TUB: variants seen among roughly 807,000 people sequenced by gnomAD.
The protein encoded by TUB is TUB bipartite transcription factor.
Under a neutral mutation model 59.7 loss-of-function variants are expected in TUB, and 33 were observed. The observed-to-expected ratio is 0.55, with a 90% CI of 0.42 to 0.74. TUB has a LOEUF of 0.74. Among genes scored for constraint, TUB ranks in the 30% least tolerant of loss-of-function variants. The probability of loss-of-function intolerance (pLI) is 0.00; values close to 1 mark genes in which losing one functional copy is unlikely to be tolerated. For missense variants in TUB, 659 were observed against 672.0 expected (o/e 0.98, Z 0.21); for synonymous variants, 293 against 256.4 (o/e 1.14, Z -1.36).
At chr11:8,041,397 T>C (rs751124889) in intron 2 of TUB, among the ~76,000 whole-genome samples, 1 of 152,146 alleles carries the variant, frequency 6.6e-6, no homozygotes, top group Admixed American at 6.5e-5. Context: ...GGCTGACTTA[T>C]AGGGCTGACT....
intron 1 of TUB, among the ~76,000 whole-genome samples, chr11:8,025,202 A>C (rs1942484535): frequency 6.6e-6 from 1 of 152,186 alleles, no homozygotes; most frequent in Admixed American, 6.5e-5. Flanking sequence ...TAAAGTGCAA[A>C]GCAGAAAAAG....
intron 6 of TUB, 75 bp from the exon 7 acceptor site, chr11:8,097,153 G>T: frequency 6.5e-7 from 1 of 1,547,938 alleles, no homozygotes; most frequent in Non-Finnish European, 8.9e-7. Context: ...TTAGGAGGCA[G>T]ATTTGGATCC....
Position 8,100,533 on chromosome 11 carries a change from C to T in TUB, c.1147C>T (p.Arg383Trp), listed in dbSNP as rs779602724. Reference protein sequence around the residue: ...ETNVLGFKGPRKMSVIVPGMN... With the variant: ...ETNVLGFKGPWKMSVIVPGMN... ...AAACGTCTTAGGCTTCAAGGGGCCTCGGAAGATGAGCGTGATTGTCCCAGG... is the reference window on the plus strand; with the variant it reads ...AAACGTCTTAGGCTTCAAGGGGCCTTGGAAGATGAGCGTGATTGTCCCAGG... The change falls in exon 10 of 12, where the codon CGG becomes TGG. Residue 383 changes from arginine (R) to tryptophan (W), a missense_variant. Arg to Trp is a moderately radical substitution (Grantham distance 101). Around this residue, in one of 3 missense-constraint regions of TUB, gnomAD observed 226 missense variants for 210.8 expected, o/e 1.07. Transcript: ENST00000299506. 2.7e-5 allele frequency: 44 copies of T among 1,613,972 alleles called. No homozygotes were observed. Among genetic ancestry groups the T allele is most frequent in the Non-Finnish European group, 3.1e-5 (36 of 1,180,016 alleles).
rs1212731529 is a variant in TUB, at chr11:8,090,249, C to T, written c.253+18C>T. 1.9e-6 allele frequency: 3 copies of T among 1,611,222 alleles called. No individual in the cohort carries two copies. The highest frequency in any genetic ancestry group is 2.5e-6 in the Non-Finnish European group (3 of 1,178,752). On this transcript the variant is annotated intron_variant, in intron 3 of 11. Coordinates refer to ENST00000299506, the MANE Select transcript of TUB (RefSeq NM_177972.3). ...CTACCAAGGTATACCTTGCCTGCTG[C>T]CCCACATCCCGTCACTGCTTCGGGG... is the stretch of plus-strand genomic sequence containing the variant.
In TUB at chr11:8,048,798, A is replaced by G. The variant is rs548582929; in HGVS notation, c.203+9106A>G. Among the ~76,000 whole-genome samples, 6 of 152,322 alleles carry G rather than the reference A, an allele frequency of 3.9e-5. No individual in the cohort carries two copies. In the South Asian group the frequency reaches 1.2e-3, roughly 32 times the overall value. On this transcript the variant is annotated intron_variant, in intron 2 of 12. Transcript: ENST00000305253. ...AATATCAATTAATATATTTCTCTAT[A>G]TAATATGTAATGTTGTAATGTTATG...
intron 2 of TUB, among the ~76,000 whole-genome samples, chr11:8,051,971 G>A (rs757719806): frequency 8.5e-5 from 13 of 152,164 alleles, no homozygotes; most frequent in Non-Finnish European, 1.3e-4. Flanking sequence ...CATCTTTATT[G>A]TAAACCAATT....
chr11:8,051,672 T>G (rs979128816), intron 2 of TUB, among the ~76,000 whole-genome samples: 2 of 152,226 alleles, frequency 1.3e-5, no homozygotes, highest in Non-Finnish European at 2.9e-5. Context: ...TTACAGTGTC[T>G]CTTGCCATAT....
chr11:8,090,252 C>G, intron 3 of TUB, 21 bp downstream of exon 3: 1 of 1,610,872 alleles, frequency 6.2e-7, no homozygotes. Flanking sequence ...CCTGCTGCCC[C>G]ACATCCCGTC....
At chr11:8,073,235 G>A (rs906530292) in intron 2 of TUB, among the ~76,000 whole-genome samples, 24 of 152,184 alleles carry the variant, frequency 1.6e-4, no homozygotes, top group Non-Finnish European at 1.2e-4. Context: ...GGTGGCTCTA[G>A]AGTCTGATAT....
chr11:8,037,003 G>A (rs953747353), upstream of TUB, among the ~76,000 whole-genome samples: 2 of 152,214 alleles, frequency 1.3e-5, no homozygotes, highest in African/African-American at 4.8e-5. Flanking sequence ...GTGCTGGCCT[G>A]AGCATTGGCT....
chr11:8,036,233 A>AT (rs146736164), upstream of TUB, among the ~76,000 whole-genome samples: 2,598 of 152,250 alleles, frequency 0.017, 75 homozygotes, highest in African/African-American at 0.059. Context: ...GACATGTATC[A>AT]GAAGCACCTC....
intron 7 of TUB, 86 bp downstream of exon 7, chr11:8,097,511 C>T: frequency 6.4e-7 from 1 of 1,563,264 alleles, no homozygotes; most frequent in Non-Finnish European, 8.8e-7. Flanking sequence ...AGTCTCATAT[C>T]TACCACTGAC....
chr11:8,098,935 T>C lies in TUB; in HGVS notation c.1116+60T>C, dbSNP rs190996618. The C allele has an allele frequency of 1.2e-5, 15 of 1,246,094 alleles. No homozygotes were observed. The South Asian group carries it at 1.7e-4, about 14-fold the overall frequency. 77.2% of individuals were successfully genotyped at this position (1,246,094 alleles called of 1,614,324 possible). Reference sequence around the variant, plus strand: ...GGTAGATATGAAATCCAGGACTTGATGCCTGATCTAGGGGCTATCCCATCC... The same window carrying C: ...GGTAGATATGAAATCCAGGACTTGACGCCTGATCTAGGGGCTATCCCATCC... On this transcript the variant is annotated intron_variant, in intron 9 of 11. Coordinates refer to ENST00000299506, the MANE Select transcript of TUB (RefSeq NM_177972.3).
At position 8,095,595 on chromosome 11, in the gene TUB, A is replaced by AGGGGAGACGGCAGCTGGTG; in HGVS notation, c.500_518dup (p.Glu174AspfsTer30). 6.2e-7 allele frequency: 1 copy of AGGGGAGACGGCAGCTGGTG among 1,612,768 alleles called. No individual in the cohort carries two copies. Among genetic ancestry groups the AGGGGAGACGGCAGCTGGTG allele is most frequent in the Middle Eastern group, 1.6e-4 (1 of 6,082 alleles). On this transcript the variant is annotated frameshift_variant, in exon 5 of 12. Coordinates refer to ENST00000299506, the MANE Select transcript of TUB (RefSeq NM_177972.3). LOFTEE classifies it high-confidence loss of function. ...GCCAGTCAGACCACGCCCAGGACGC[A>AGGGGAGACGGCAGCTGGTG]GGGGAGACGGCAGCTGGTGGGGGCG...
chr11:8,059,257 A>G (rs928826970), intron 2 of TUB, among the ~76,000 whole-genome samples: 3 of 152,152 alleles, frequency 2.0e-5, no homozygotes, highest in African/African-American at 7.2e-5. Context: ...TACAGGTCAG[A>G]GGAAGAAGAC....
chr11:8,086,475 A>C (rs544391359), intron 1 of TUB, among the ~76,000 whole-genome samples: 1 of 152,232 alleles, frequency 6.6e-6, no homozygotes, highest in African/African-American at 2.4e-5. Context: ...CTTGGTCTCC[A>C]CAACAGCTGC....
intron 8 of TUB, 63 bp from the exon 9 acceptor site, chr11:8,098,695 G>T: frequency 7.8e-7 from 1 of 1,276,082 alleles, no homozygotes; most frequent in South Asian, 1.2e-5. Flanking sequence ...GACAGACGAT[G>T]AGCTGTTCCC....
intron 1 of TUB, among the ~76,000 whole-genome samples, chr11:8,030,626 C>G (rs1447352930): frequency 2.0e-5 from 3 of 152,090 alleles, no homozygotes; most frequent in African/African-American, 7.2e-5. Flanking sequence ...CCTGTCCATG[C>G]TTTTGTCCTG....
chr11:8,039,926 C>T (rs1439992250), intron 2 of TUB, among the ~76,000 whole-genome samples: 1 of 152,204 alleles, frequency 6.6e-6, no homozygotes, highest in African/African-American at 2.4e-5. Context: ...CTCCTGTGGT[C>T]TTTTTGCCTT....
Sources: allele counts gnomAD v4.1 joint callset (sites outside exome capture counted in the v4.1 genomes callset), GRCh38; gene constraint gnomAD v4.1.1; regional missense constraint gnomAD v4.1.1; transcripts MANE v1.5; gene names NCBI Gene and HGNC (gene_info 2026-07-23, HGNC 2026-07-21).